The following CREB3L3 variants were observed in gnomAD, a reference collection of about 807,000 sequenced individuals.
CREB3L3 encodes the protein cAMP responsive element binding protein 3 like 3, also known as cyclic AMP-responsive element-binding protein 3-like protein 3.
Under a neutral mutation model 44.6 loss-of-function variants are expected in CREB3L3, and 40 were observed. The ratio of observed to expected loss-of-function variants is 0.90; its 90% CI spans 0.70 to 1.17. The LOEUF (loss-of-function observed/expected upper bound fraction) is 1.17. Among genes scored for constraint, CREB3L3 ranks in the 50% most tolerant of loss-of-function variants. The pLI is 0.00. For synonymous variants in CREB3L3, 273 were observed against 256.3 expected (o/e 1.06, Z -0.62); for missense variants, 578 against 595.8 (o/e 0.97, Z 0.31).
At chr19:4,165,873 G>A (rs1966894662) in intron 5 of CREB3L3, among the ~76,000 whole-genome samples, 1 of 151,910 alleles carries the variant, frequency 6.6e-6, no homozygotes, top group South Asian at 2.1e-4. Flanking sequence ...GCGAAACTCT[G>A]TCAAAACAAA....
chr19:4,171,433 T>A lies in CREB3L3; in HGVS notation c.1026T>A (p.Phe342Leu). The A allele has an allele frequency of 6.2e-7, 1 of 1,614,126 alleles. No individual in the cohort carries two copies. ...ALIILPSISP[F>L]GPNKTESPGD... The stretch of plus-strand genomic sequence containing the variant: ...TCATCCTCCCCTCCATCAGCCCTTT[T>A]GGCCCCAACAAAACCGAGAGCCCTG... The change falls in exon 9 of 10, where the codon TTT (phenylalanine) becomes TTA (leucine). Residue 342 changes from phenylalanine (F) to leucine (L), a missense_variant. By Grantham distance (22) the Phe-to-Leu change is conservative. Transcript: ENST00000078445. The surrounding 1 kb of genome is among the most constrained non-coding windows in gnomAD (Gnocchi z 4.9).
At chr19:4,164,678 C>A in intron 5 of CREB3L3, 38 bp downstream of exon 5, 1 of 1,612,182 alleles carries the variant, frequency 6.2e-7, no homozygotes, top group Non-Finnish European at 8.5e-7. Flanking sequence ...GATCCATCTC[C>A]CCTTCGTGCA....
chr19:4,163,201 A>G (rs1165447106), intron 4 of CREB3L3, among the ~76,000 whole-genome samples: 5 of 151,498 alleles, frequency 3.3e-5, no homozygotes, highest in Non-Finnish European at 7.4e-5. Context: ...CCAGCTACTC[A>G]GGAGGCTGAG....
chr19:4,160,128 TATACAAAAA>T (rs1422370132), intron 4 of CREB3L3, among the ~76,000 whole-genome samples: 6 of 151,742 alleles, frequency 4.0e-5, no homozygotes, highest in South Asian at 2.1e-4. Flanking sequence ...AAACCCCATC[TATACAAAAA>T]ATACAAAAAT....
At chr19:4,155,364 C>CTTT (rs35228769) in intron 2 of CREB3L3, among the ~76,000 whole-genome samples, 10 of 142,500 alleles carry the variant, frequency 7.0e-5, no homozygotes, top group African/African-American at 2.1e-4. Flanking sequence ...CTTTCTTCTT[C>CTTT]TTTTTTTTTT....
At chr19:4,168,583 A>T (rs1018237198) in intron 6 of CREB3L3, 126 bp downstream of exon 6, 2 of 722,998 alleles carry the variant, frequency 2.8e-6, no homozygotes, top group Non-Finnish European at 2.4e-6. Context: ...TCTCTGGGAG[A>T]GATCATGCTT....
chr19:4,159,007 G>A (rs369352846), intron 3 of CREB3L3, among the ~76,000 whole-genome samples: 2 of 152,240 alleles, frequency 1.3e-5, no homozygotes, highest in African/African-American at 2.4e-5. Flanking sequence ...GTGAGATAAC[G>A]CCTGGCTGGC....
chr19:4,163,305 TAAGAAAGAAAGAAAGAAGAAAGAA>T (rs2041682985), intron 4 of CREB3L3, among the ~76,000 whole-genome samples: 1 of 104,728 alleles, frequency 9.5e-6, no homozygotes, highest in Non-Finnish European at 2.0e-5. Flanking sequence ...GAGACTCGTC[TAAGAAAGAAAGAAAGAAGAAAGAA>T]AAGAAAGAAA....
intron 4 of CREB3L3, 64 bp downstream of exon 4, chr19:4,159,846 C>A (rs1002481747): frequency 8.8e-6 from 7 of 792,944 alleles, no homozygotes; most frequent in African/African-American, 3.4e-5. Context: ...GTTCGAGGAG[C>A]CTAAATATCC....
chr19:4,168,841 C>T (rs949069571), intron 6 of CREB3L3, among the ~76,000 whole-genome samples: 6 of 152,108 alleles, frequency 3.9e-5, no homozygotes, highest in Admixed American at 6.6e-5. Flanking sequence ...AAGCGATTCT[C>T]CTGCCTCAGC....
At chr19:4,160,702 T>C (rs1317349842) in intron 4 of CREB3L3, among the ~76,000 whole-genome samples, 1 of 149,978 alleles carries the variant, frequency 6.7e-6, no homozygotes, top group African/African-American at 2.4e-5. Context: ...ATTACAGGCA[T>C]GCACCACCAG....
intron 5 of CREB3L3, among the ~76,000 whole-genome samples, chr19:4,167,973 TTTTA>T (rs58194210): frequency 0.087 from 12,642 of 144,808 alleles, 946 homozygotes; most frequent in East Asian, 0.28. Context: ...ATTTTAATTA[TTTTA>T]TTTATTTATT....
intron 4 of CREB3L3, among the ~76,000 whole-genome samples, chr19:4,161,712 C>T (rs920508808): frequency 4.6e-5 from 7 of 152,184 alleles, no homozygotes; most frequent in African/African-American, 1.7e-4. Flanking sequence ...GTTTTGAAAT[C>T]CTGTTTCTCC....
chr19:4,157,289 G>A lies in CREB3L3; in HGVS notation c.451G>A (p.Asp151Asn), dbSNP rs1339882843. ...AGTACCTGAAGCCTCTGTGACCATAGACCTGGGTGAGTCCTGCTGTGTCTC... is the reference window on the plus strand; with the variant it reads ...AGTACCTGAAGCCTCTGTGACCATAAACCTGGGTGAGTCCTGCTGTGTCTC... ...IQVPEASVTI[D>N]LEMWSPGGRI... The change falls in exon 3 of 10, where the codon GAC (aspartate) becomes AAC (asparagine). Residue 151 changes from aspartate (D) to asparagine (N), a missense_variant. Coordinates refer to ENST00000078445, the MANE Select transcript of CREB3L3 (RefSeq NM_032607.3). The A allele has an allele frequency of 6.2e-7, 1 of 1,614,140 alleles. No individual in the cohort carries two copies. The highest frequency in any genetic ancestry group is 8.5e-7 in the Non-Finnish European group (1 of 1,180,030).
intron 5 of CREB3L3, among the ~76,000 whole-genome samples, chr19:4,165,193 A>G (rs1473000881): frequency 6.8e-6 from 1 of 147,918 alleles, no homozygotes; most frequent in African/African-American, 2.5e-5. Context: ...TTTTTTGGAG[A>G]TAGGGTCTTG....
rs35474881 is a variant in CREB3L3 at position 4,154,913 on chromosome 19, C to G, written c.42C>G (p.Ala14=). 6.2e-7 allele frequency: 1 copy of G among 1,613,864 alleles called. No individual in the cohort carries two copies. The highest frequency in any genetic ancestry group is 2.2e-5 in the East Asian group (1 of 44,882). ...DLAAGKMASA[A]CSMDPIDSFE... is the part of the protein sequence containing the mutation. ...TCGCGCCCCAGATGGCTTCTGCTGC[C>G]TGCTCCATGGACCCCATCGACAGCT... Residue 14 remains alanine, a synonymous_variant, in exon 2 of 10, where the codon GCC becomes GCG. Coordinates refer to ENST00000078445, the MANE Select transcript of CREB3L3 (RefSeq NM_032607.3).
intron 6 of CREB3L3, 119 bp from the exon 7 acceptor site, chr19:4,170,021 C>A (rs1967007543): frequency 4.2e-6 from 4 of 951,666 alleles, no homozygotes; most frequent in African/African-American, 3.2e-5. Context: ...GGATGAATGA[C>A]TTCCCCTCTC....
rs540366766 is a variant in CREB3L3, at chr19:4,154,441, C to G, written c.28-458C>G. Among the ~76,000 whole-genome samples the G allele has an allele frequency of 3.8e-3, 585 of 152,214 alleles. 5 individuals are homozygous for G. Among genetic ancestry groups the G allele is most frequent in the African/African-American group, 0.013 (557 of 41,522 alleles). ...GTGGAGTGCAGTGGGGTGGCCATAG[C>G]TCACTGCAGCCTCAACCTCCTGGGT... is the stretch of plus-strand genomic sequence containing the variant. On this transcript the variant is annotated intron_variant, in intron 1 of 9. Coordinates refer to ENST00000078445, the MANE Select transcript of CREB3L3 (RefSeq NM_032607.3).
intron 4 of CREB3L3, among the ~76,000 whole-genome samples, chr19:4,160,699 G>A (rs2041648165): frequency 6.6e-6 from 1 of 151,364 alleles, no homozygotes; most frequent in African/African-American, 2.4e-5. Flanking sequence ...GAGATTACAG[G>A]CATGCACCAC....
Sources: allele counts gnomAD v4.1 joint callset (sites outside exome capture counted in the v4.1 genomes callset), GRCh38; gene constraint gnomAD v4.1.1; non-coding constraint Gnocchi (gnomAD v3.1); transcripts MANE v1.5; gene names NCBI Gene and HGNC (gene_info 2026-07-23, HGNC 2026-07-21).